The following FRAS1 variants were observed in gnomAD, a reference collection of about 807,000 sequenced individuals.
FRAS1 encodes the protein extracellular matrix organizing protein FRAS1.
A neutral mutation model predicts 435.2 loss-of-function variants in FRAS1; 290 were observed. That is an observed-to-expected ratio of 0.67 (90% CI 0.61 to 0.73). FRAS1 has a LOEUF of 0.73. FRAS1 is among the 30% of genes least tolerant of loss of function. The pLI, the probability that FRAS1 is intolerant of heterozygous loss-of-function variation, is 0.00. For missense variants in FRAS1, 4,860 were observed against 5,001.5 expected, an observed-to-expected ratio of 0.97 and a Z score of 0.85; for synonymous variants, 1,800 against 1,851.0, an observed-to-expected ratio of 0.97 and a Z score of 0.71.
chr4:78,155,386 A>T (rs1462392012), intron 2 of FRAS1, among the ~76,000 whole-genome samples: 1 of 152,260 alleles, frequency 6.6e-6, no homozygotes, highest in African/African-American at 2.4e-5. Context: ...CATTAAACAG[A>T]TGTAGTTTTG....
At chr4:78,304,060 C>G (rs1329152153) in intron 14 of FRAS1, among the ~76,000 whole-genome samples, 1 of 151,390 alleles carries the variant, frequency 6.6e-6, no homozygotes, top group Non-Finnish European at 1.5e-5. Context: ...GAGTTTTTAG[C>G]ATGAAGTGTT....
Position 78,432,407 on chromosome 4 carries a change from C to T in FRAS1, c.5020C>T (p.His1674Tyr). The T allele has an allele frequency of 6.2e-7, 1 of 1,610,686 alleles. No individual in the cohort carries two copies. Among genetic ancestry groups the T allele is most frequent in the South Asian group, 1.1e-5 (1 of 90,270 alleles). The change falls in exon 38 of 74, where the codon CAT becomes TAT. Residue 1674 changes from histidine (H) to tyrosine (Y), a missense_variant. Transcript: ENST00000512123. ...DVEKNALQYI[H>Y]DGSSTREDSM... ...TGAGAAAAATGCTCTACAGTATATA[C>T]ATGATGGTTCCTCTACCCGGGAAGA...
intron 47 of FRAS1, 44 bp from the exon 48 acceptor site, chr4:78,463,977 C>T (rs754118722): frequency 6.2e-7 from 1 of 1,607,912 alleles, no homozygotes; most frequent in East Asian, 2.2e-5. Context: ...ATATGGCTAG[C>T]ATTTTAATAT....
Position 78,540,718 on chromosome 4 carries a change from A to G in FRAS1, c.11633A>G (p.Lys3878Arg). 6.2e-7 allele frequency: 1 copy of G among 1,613,872 alleles called. No homozygotes were observed. Among genetic ancestry groups the G allele is most frequent in the Non-Finnish European group, 8.5e-7 (1 of 1,179,806 alleles). Reference protein sequence around the residue: ...LIYDNEGDQVKNGTNMKSLNL... With the variant: ...LIYDNEGDQVRNGTNMKSLNL... ...TATGACAATGAAGGAGACCAAGTCA[A>G]GAATGGCACCAATATGAAGTCCCTG... Residue 3878 changes from lysine to arginine, a missense_variant, in exon 74 of 74, where the codon AAG becomes AGG. Transcript: ENST00000512123.
intron 2 of FRAS1, among the ~76,000 whole-genome samples, chr4:78,101,823 G>A (rs2109920166): frequency 6.6e-6 from 1 of 152,292 alleles, no homozygotes; most frequent in Non-Finnish European, 1.5e-5. Flanking sequence ...CACTAAATGA[G>A]GGTTCTATAA....
intron 2 of FRAS1, among the ~76,000 whole-genome samples, chr4:78,222,427 G>A (rs893283224): frequency 7.2e-5 from 11 of 152,072 alleles, no homozygotes; most frequent in Non-Finnish European, 1.5e-4. Context: ...ACCACTAGTC[G>A]GGCTTTGCAC....
At chr4:78,149,081 C>CT (rs905778138) in intron 2 of FRAS1, among the ~76,000 whole-genome samples, 49 of 151,920 alleles carry the variant, frequency 3.2e-4, no homozygotes, top group Non-Finnish European at 5.0e-4. Context: ...CTCTATTGCC[C>CT]TTTTTTTTGT....
At chr4:78,403,901 A>G (rs892168362) in intron 30 of FRAS1, among the ~76,000 whole-genome samples, 2 of 152,226 alleles carry the variant, frequency 1.3e-5, no homozygotes, top group African/African-American at 4.8e-5. Context: ...ACTGTTAAAT[A>G]TCTCATGTAA....
intron 4 of FRAS1, among the ~76,000 whole-genome samples, chr4:78,246,464 G>C (rs1168342038): frequency 7.1e-6 from 1 of 140,484 alleles, no homozygotes; most frequent in Non-Finnish European, 1.6e-5. Flanking sequence ...GTTGCTGAAA[G>C]ACATCCAAGC....
Position 78,282,933 on chromosome 4 carries a change from G to T in FRAS1, c.1221G>T (p.Glu407Asp). The T allele has an allele frequency of 6.2e-7, 1 of 1,607,858 alleles. No homozygotes were observed. The highest frequency in any genetic ancestry group is 8.5e-7 in the Non-Finnish European group (1 of 1,177,522). The change falls in exon 12 of 74, where the codon GAG becomes GAT. Residue 407 changes from glutamate to aspartate, a missense_variant. By Grantham distance (45) the Glu-to-Asp change is conservative (BLOSUM62 2). Coordinates refer to ENST00000512123, the MANE Select transcript of FRAS1 (RefSeq NM_025074.7). ...GTCCAGTGGGCACACTGGCCTTAGA[G>T]GTGAAGGGACAGTGCTGTCCAGACT... ...PPCPVGTLAL[E>D]VKGQCCPDCT...
At chr4:78,434,698 T>C (rs182956271) in intron 38 of FRAS1, among the ~76,000 whole-genome samples, 11 of 152,074 alleles carry the variant, frequency 7.2e-5, no homozygotes, top group African/African-American at 2.4e-4. Flanking sequence ...GAGCCAGATA[T>C]GAGATCAACA....
At chr4:78,475,346 C>A in intron 53 of FRAS1, 92 bp from the exon 54 acceptor site, 1 of 1,430,744 alleles carries the variant, frequency 7.0e-7, no homozygotes, top group South Asian at 1.2e-5. Flanking sequence ...TACCTAATGC[C>A]AAGAACCAAA....
At chr4:78,252,318 T>C in intron 4 of FRAS1, 74 bp from the exon 5 acceptor site, 1 of 1,406,314 alleles carries the variant, frequency 7.1e-7, no homozygotes, top group Non-Finnish European at 9.9e-7. Context: ...AGAGAAGATT[T>C]GTTTCTATTT....
chr4:78,404,485 C>G (rs1423648849), intron 30 of FRAS1, among the ~76,000 whole-genome samples: 3 of 152,032 alleles, frequency 2.0e-5, no homozygotes, highest in Non-Finnish European at 4.4e-5. Flanking sequence ...TTCTCCTTGT[C>G]CACTCATGGA....
chr4:78,134,363 A>C (rs2109988054), intron 2 of FRAS1, among the ~76,000 whole-genome samples: 1 of 151,956 alleles, frequency 6.6e-6, no homozygotes, highest in Admixed American at 6.6e-5. Context: ...CATTTACTCA[A>C]GTTTATTTTC....
intron 1 of FRAS1, 58 bp downstream of exon 1, chr4:78,058,143 T>G (rs1185490294): frequency 2.8e-6 from 4 of 1,448,568 alleles, no homozygotes; most frequent in Admixed American, 3.5e-5. Flanking sequence ...TGTGTGTATG[T>G]GTGAGTGATC....
At chr4:78,424,639 A>C (rs1207046087) in intron 35 of FRAS1, among the ~76,000 whole-genome samples, 1 of 152,182 alleles carries the variant, frequency 6.6e-6, no homozygotes, top group African/African-American at 2.4e-5. Context: ...TCTACCAATG[A>C]TGCTAAAAGT....
chr4:78,065,575 ATTACAGGATTCTAAGTTGGCCTCTTGGGT>A (rs1443936357), intron 1 of FRAS1, among the ~76,000 whole-genome samples: 2 of 152,156 alleles, frequency 1.3e-5, no homozygotes, highest in Non-Finnish European at 2.9e-5. Context: ...ATGTAAATAT[ATTACAGGATTCTAAGTTGGCCTCTTGGGT>A]TGGACTGGAG....
chr4:78,235,885 G>A (rs971723689), intron 2 of FRAS1, among the ~76,000 whole-genome samples: 3 of 152,312 alleles, frequency 2.0e-5, no homozygotes, highest in East Asian at 3.9e-4. Flanking sequence ...GGAAGTTGAG[G>A]CTGCAGTGAG....
Sources: allele counts gnomAD v4.1 joint callset (sites outside exome capture counted in the v4.1 genomes callset), GRCh38; gene constraint gnomAD v4.1.1; transcripts MANE v1.5; gene names NCBI Gene and HGNC (gene_info 2026-07-23, HGNC 2026-07-21).